Variants in NTN1 observed in about 807,000 individuals in gnomAD.
NTN1 encodes the protein netrin 1, also known as netrin-1.
Under a neutral mutation model 54.2 loss-of-function variants are expected in NTN1, and 11 were observed. The ratio of observed to expected loss-of-function variants is 0.20; its 90% CI spans 0.13 to 0.34. The LOEUF is 0.34. NTN1 is among the 10% of genes least tolerant of loss of function. NTN1 has a pLI of 1.00. For missense variants in NTN1, 740 were observed against 893.1 expected, an observed-to-expected ratio of 0.83 and a Z score of 2.18; for synonymous variants, 371 against 382.0, an observed-to-expected ratio of 0.97 and a Z score of 0.33.
chr17:9,184,395 GCTCT>G (rs978262789), intron 5 of NTN1, among the ~76,000 whole-genome samples: 1 of 152,342 alleles, frequency 6.6e-6, no homozygotes, highest in Non-Finnish European at 1.5e-5. Flanking sequence ...AGATGAGGAA[GCTCT>G]CTCTGTCACA....
intron 2 of NTN1, 103 bp from the exon 3 acceptor site, chr17:9,162,710 T>C (rs2092360834): frequency 9.2e-7 from 1 of 1,087,090 alleles, no homozygotes; most frequent in Non-Finnish European, 1.3e-6. Context: ...GCTCTGCTAG[T>C]GGAGAAGGGA....
chr17:9,225,089 C>T (rs765506867), intron 6 of NTN1, among the ~76,000 whole-genome samples: 7 of 151,998 alleles, frequency 4.6e-5, no homozygotes, highest in African/African-American at 7.2e-5. Flanking sequence ...AGTGAAACCC[C>T]GTCTCTATTA....
intron 2 of NTN1, among the ~76,000 whole-genome samples, chr17:9,140,801 G>A (rs1049726576): frequency 2.0e-5 from 3 of 152,178 alleles, no homozygotes; most frequent in African/African-American, 7.2e-5. Flanking sequence ...CATTACCACC[G>A]GCCAGCTCTC....
intron 2 of NTN1, among the ~76,000 whole-genome samples, chr17:9,124,866 C>T (rs998257130): frequency 6.6e-6 from 1 of 152,152 alleles, no homozygotes; most frequent in Admixed American, 6.5e-5. Flanking sequence ...TTCTGTGTGC[C>T]TCAGTTTCCT....
chr17:9,223,236 GT>G (rs1905424786), intron 6 of NTN1, among the ~76,000 whole-genome samples: 1 of 152,214 alleles, frequency 6.6e-6, no homozygotes, highest in South Asian at 2.1e-4. Flanking sequence ...AGCCAGGAAA[GT>G]AGGGGCCCTG....
chr17:9,153,720 GA>G (rs1323602809), intron 2 of NTN1, among the ~76,000 whole-genome samples: 3 of 152,198 alleles, frequency 2.0e-5, no homozygotes, highest in African/African-American at 7.2e-5. Flanking sequence ...CATGTTTGTT[GA>G]ATGAAGCAAC....
chr17:9,071,217 C>T (rs1266364665), intron 2 of NTN1, among the ~76,000 whole-genome samples: 1 of 152,192 alleles, frequency 6.6e-6, no homozygotes, highest in East Asian at 1.9e-4. Context: ...GGGGACAGAT[C>T]TATTTTTGGT....
chr17:9,088,234 C>G (rs2092095993), intron 2 of NTN1, among the ~76,000 whole-genome samples: 1 of 152,198 alleles, frequency 6.6e-6, no homozygotes, highest in Non-Finnish European at 1.5e-5. Flanking sequence ...CAGTGGGTGT[C>G]CATCTGCAAG....
intron 2 of NTN1, among the ~76,000 whole-genome samples, chr17:9,070,372 G>T (rs1324077953): frequency 6.6e-6 from 1 of 152,070 alleles, no homozygotes; most frequent in African/African-American, 2.4e-5. Flanking sequence ...TCTTTCTCCC[G>T]AGAAAGGAAA....
At chr17:9,166,707 C>T (rs1216287632) in intron 3 of NTN1, among the ~76,000 whole-genome samples, 1 of 152,154 alleles carries the variant, frequency 6.6e-6, no homozygotes, top group Non-Finnish European at 1.5e-5. Context: ...GTGAGAGCTG[C>T]ACTTCTTTGC....
Position 9,228,098 on chromosome 17 carries a change from A to G in NTN1, c.1486+6856A>G, listed in dbSNP as rs79048297. On this transcript the variant is annotated intron_variant, in intron 6 of 6. Transcript: ENST00000173229. Reference sequence around the variant, plus strand: ...CAGTCCTGACCCTCAGAGAGCTTACAGTCTAGGAGGGGAGACCGACATACA... The same window carrying G: ...CAGTCCTGACCCTCAGAGAGCTTACGGTCTAGGAGGGGAGACCGACATACA... Among the ~76,000 whole-genome samples the G allele has an allele frequency of 6.6e-5, 10 of 152,212 alleles. No homozygotes were observed. The East Asian group carries it at 1.7e-3, about 27-fold the overall frequency.
At chr17:9,158,690 G>A (rs1275074164) in intron 2 of NTN1, among the ~76,000 whole-genome samples, 3 of 152,198 alleles carry the variant, frequency 2.0e-5, no homozygotes, top group Non-Finnish European at 4.4e-5. Flanking sequence ...TCTCTGAGCA[G>A]GCCCCTGTCA....
chr17:9,239,642 G>A lies in NTN1; in HGVS notation c.1489G>A (p.Val497Ile), dbSNP rs1199633261. The A allele has an allele frequency of 4.4e-6, 7 of 1,607,108 alleles. No individual in the cohort carries two copies. Among genetic ancestry groups the A allele is most frequent in the South Asian group, 2.2e-5 (2 of 90,964 alleles). Reference sequence around the variant, plus strand: ...CGTCTGCCTGTGCTTCCTTGCAGCCGTCCAGATCCACATCCTGAAGGCGGA... The same window carrying A: ...CGTCTGCCTGTGCTTCCTTGCAGCCATCCAGATCCACATCCTGAAGGCGGA... ...MKKYCKKDYAVQIHILKADKA... is the reference protein window; with the variant it reads ...MKKYCKKDYAIQIHILKADKA... The change falls in exon 7 of 7, where the codon GTC becomes ATC. Residue 497 changes from valine (V) to isoleucine (I), a missense_variant and splice_region_variant. Coordinates refer to ENST00000173229, the MANE Select transcript of NTN1 (RefSeq NM_004822.3). The surrounding 1 kb of genome is among the most constrained non-coding windows in gnomAD (Gnocchi z 5.2).
intron 5 of NTN1, among the ~76,000 whole-genome samples, chr17:9,198,047 G>A (rs1291550997): frequency 6.6e-6 from 1 of 152,146 alleles, no homozygotes; most frequent in Non-Finnish European, 1.5e-5. Flanking sequence ...CCAGGTTATC[G>A]GGGCCCTGCT....
intron 2 of NTN1, among the ~76,000 whole-genome samples, chr17:9,103,320 A>G (rs2092156239): frequency 6.6e-6 from 1 of 152,114 alleles, no homozygotes; most frequent in African/African-American, 2.4e-5. Context: ...TACATGTGAT[A>G]TGGTTTGGCT....
chr17:9,226,106 C>G (rs565092081), intron 6 of NTN1, among the ~76,000 whole-genome samples: 1 of 146,824 alleles, frequency 6.8e-6, no homozygotes, highest in South Asian at 2.1e-4. Context: ...TACAGAGAGC[C>G]AGAGCCCAGC....
intron 5 of NTN1, among the ~76,000 whole-genome samples, chr17:9,200,292 G>A (rs1904746295): frequency 6.6e-6 from 1 of 152,228 alleles, no homozygotes; most frequent in African/African-American, 2.4e-5. Flanking sequence ...TGTTCACTGG[G>A]AGAGCTGACA....
At chr17:9,089,967 C>G (rs973861102) in intron 2 of NTN1, among the ~76,000 whole-genome samples, 6 of 151,986 alleles carry the variant, frequency 3.9e-5, no homozygotes, top group Non-Finnish European at 7.4e-5. Flanking sequence ...CCCTTCTATG[C>G]CCCAGAAGTC....
chr17:9,152,169 T>A (rs1051973587), intron 2 of NTN1, among the ~76,000 whole-genome samples: 8 of 152,134 alleles, frequency 5.3e-5, no homozygotes, highest in Non-Finnish European at 1.0e-4. Flanking sequence ...GTGCCACCTT[T>A]AAGAGCTGTA....
Sources: gnomAD v4.1 joint callset for allele counts (sites outside exome capture counted in the v4.1 genomes callset) on GRCh38, gnomAD v4.1.1 for gene constraint, Gnocchi (gnomAD v3.1) non-coding constraint, MANE v1.5 for transcripts, NCBI Gene and HGNC (gene_info 2026-07-23, HGNC 2026-07-21) for gene names.